CERS1: variants seen among roughly 807,000 people sequenced by gnomAD.
CERS1 encodes Embryonic growth/differentiation factor 1.
CERS1 carries 16 observed loss-of-function variants against 35.7 expected under a neutral mutation model. The ratio of observed to expected loss-of-function variants is 0.45; its 90% CI spans 0.30 to 0.68. The LOEUF (loss-of-function observed/expected upper bound fraction) is 0.68. Ranked by LOEUF, CERS1 falls within the 30% of genes least tolerant of loss-of-function variation. The pLI is 0.08. For synonymous variants in CERS1, 243 were observed against 201.6 expected, an observed-to-expected ratio of 1.21 and a Z score of -1.74; for missense variants, 454 against 453.9, an observed-to-expected ratio of 1.00 and a Z score of 0.00.
chr19:18,870,063 G>A lies in CERS1; in HGVS notation c.*514C>T. The A allele has an allele frequency of 6.3e-7, 1 of 1,585,204 alleles. No homozygotes were observed. The highest frequency in any genetic ancestry group is 8.5e-7 in the Non-Finnish European group (1 of 1,170,556). On this transcript the variant is annotated 3_prime_UTR_variant, in exon 7 of 8. Coordinates refer to ENST00000623882, the MANE Select transcript of CERS1 (RefSeq NM_021267.5). This position sits in a 1 kb window ranked among gnomAD's most constrained non-coding sequence, Gnocchi z 5.1. Reference sequence around the variant, plus strand: ...GCACGGTTGCAGGGTGACCCCTGGGGACGTCCGCCGCGAGCCAGACCTGGT... The same window carrying A: ...GCACGGTTGCAGGGTGACCCCTGGGAACGTCCGCCGCGAGCCAGACCTGGT...
At chr19:18,894,123 A>G (rs1601194036) in intron 1 of CERS1, among the ~76,000 whole-genome samples, 2 of 136,242 alleles carry the variant, frequency 1.5e-5, no homozygotes, top group African/African-American at 2.8e-5. Flanking sequence ...AAAGGGGAGG[A>G]GGGGCTGGAG....
At chr19:18,876,536 T>TGTGTGTGTGTGTGTG (rs1555703706) in intron 6 of CERS1, among the ~76,000 whole-genome samples, 16 of 143,276 alleles carry the variant, frequency 1.1e-4, no homozygotes, top group African/African-American at 4.1e-4. Context: ...TTTGATTGGG[T>TGTGTGTGTGTGTGTG]TGTGTGTGTG....
chr19:18,896,661 G>C (rs1295619330), upstream of CERS1: 2 of 152,444 alleles, frequency 1.3e-5, no homozygotes, highest in Admixed American at 1.3e-4. The surrounding 1 kb of genome is among the most constrained non-coding windows in gnomAD (Gnocchi z 5.9). Context: ...AGGAGGCGTA[G>C]GCTCAATGAA....
chr19:18,879,986 C>T (rs2056162156), intron 4 of CERS1, among the ~76,000 whole-genome samples: 4 of 151,790 alleles, frequency 2.6e-5, no homozygotes, highest in Admixed American at 2.0e-4. Context: ...CCTGGCCCAA[C>T]CTATCTCACC....
chr19:18,888,889 C>CTTTTTTTT (rs756124590), intron 2 of CERS1, among the ~76,000 whole-genome samples: 36 of 122,886 alleles, frequency 2.9e-4, no homozygotes, highest in Non-Finnish European at 4.1e-4. Context: ...TTCTTTCTTT[C>CTTTTTTTT]TTTTTTTTTT....
intron 3 of CERS1, among the ~76,000 whole-genome samples, chr19:18,880,847 A>C (rs1013631533): frequency 6.6e-6 from 1 of 152,048 alleles, no homozygotes; most frequent in Non-Finnish European, 1.5e-5. Context: ...ACAGGAAAGC[A>C]ACACCACACA....
intron 4 of CERS1, 121 bp from the exon 5 acceptor site, chr19:18,879,509 A>C: frequency 8.6e-7 from 1 of 1,167,508 alleles, no homozygotes; most frequent in African/African-American, 1.6e-5. Flanking sequence ...ACCTCTGCCC[A>C]CCTGTTTCTA....
chr19:18,887,508 G>A (rs2056389880), intron 2 of CERS1, among the ~76,000 whole-genome samples: 1 of 152,160 alleles, frequency 6.6e-6, no homozygotes, highest in African/African-American at 2.4e-5. Flanking sequence ...TGGCCAGGAG[G>A]TGGAGGCAGG....
intron 6 of CERS1, among the ~76,000 whole-genome samples, chr19:18,875,529 C>T (rs1193315947): frequency 1.3e-5 from 2 of 148,160 alleles, no homozygotes; most frequent in East Asian, 3.9e-4. Flanking sequence ...GGCGACAGAG[C>T]GAGACACTGT....
chr19:18,893,677 G>A (rs2056553789), intron 1 of CERS1, 102 bp from the exon 2 acceptor site: 9 of 1,219,734 alleles, frequency 7.4e-6, no homozygotes, highest in Admixed American at 2.2e-5. Flanking sequence ...AGGCCGGGCA[G>A]CACTGGGAAG....
intron 2 of CERS1, among the ~76,000 whole-genome samples, chr19:18,884,565 G>A (rs1284565160): frequency 6.6e-6 from 1 of 151,874 alleles, no homozygotes; most frequent in African/African-American, 2.4e-5. Flanking sequence ...ATGCCACCAA[G>A]CCCGGCTAAT....
Position 18,870,530 on chromosome 19 carries a change from G to C in CERS1, c.*47C>G. 1.9e-6 allele frequency: 1 copy of C among 516,652 alleles called. No homozygotes were observed. Among genetic ancestry groups the C allele is most frequent in the Non-Finnish European group, 3.5e-6 (1 of 285,920 alleles). 32.0% of individuals were successfully genotyped at this position (516,652 alleles called of 1,614,324 possible). A position where few individuals can be genotyped will look rare whatever the true frequency, so the allele number is the denominator to read the frequency against. ...GCGGCCAAGGACGGGGAGCGTGGCC[G>C]GGGTATTCGGGGTGGGGCCGGGTCC... On this transcript the variant is annotated 3_prime_UTR_variant, in exon 7 of 8. Transcript: ENST00000623882. This position sits in a 1 kb window ranked among gnomAD's most constrained non-coding sequence, Gnocchi z 5.1.
At position 18,893,572 on chromosome 19, in the gene CERS1, G is replaced by A. The variant is rs2056549999; in HGVS notation, c.253C>T (p.Leu85=). 7 of 1,607,098 alleles carry A rather than the reference G, an allele frequency of 4.4e-6. No homozygotes were observed. Among genetic ancestry groups the A allele is most frequent in the East Asian group, 2.2e-5 (1 of 44,680 alleles). The part of the protein sequence containing the change: ...SAATARLFRP[L]AKRCCLQPRD... ...GGCTGGAGGCAGCACCGCTTCGCCA[G>A]GGGCTATGGGGGAGAAGACAGGCGG... Residue 85 remains leucine, a synonymous_variant, in exon 2 of 8, where the codon CTG becomes TTG. Coordinates refer to ENST00000623882, the MANE Select transcript of CERS1 (RefSeq NM_021267.5).
At position 18,896,082 on chromosome 19, in the gene CERS1, T is replaced by A; in HGVS notation, c.-10A>T. The A allele has an allele frequency of 2.1e-6, 2 of 948,276 alleles. No individual in the cohort carries two copies. The highest frequency in any genetic ancestry group is 2.5e-6 in the Non-Finnish European group (2 of 799,088). 58.7% of individuals were successfully genotyped at this position (948,276 alleles called of 1,614,324 possible). On this transcript the variant is annotated 5_prime_UTR_variant, in exon 1 of 8. Coordinates refer to ENST00000623882, the MANE Select transcript of CERS1 (RefSeq NM_021267.5). The surrounding 1 kb of genome is among the most constrained non-coding windows in gnomAD (Gnocchi z 5.9). ...GCCCCGCCGCCGCCATACCGCCCGC[T>A]CGCCCGCCGTGCCCGTCGCCTGCGC...
At chr19:18,884,369 C>A in intron 2 of CERS1, 102 bp from the exon 3 acceptor site, 3 of 1,088,152 alleles carry the variant, frequency 2.8e-6, no homozygotes, top group Non-Finnish European at 3.9e-6. Flanking sequence ...CCTCCCAGTA[C>A]CCAGGTAACC....
chr19:18,870,320 C>A lies in CERS1; in HGVS notation c.*257G>T, dbSNP rs542969734. The A allele has an allele frequency of 4.5e-6, 7 of 1,544,962 alleles. No homozygotes were observed. The highest frequency in any genetic ancestry group is 1.2e-5 in the South Asian group (1 of 83,878). On this transcript the variant is annotated 3_prime_UTR_variant, in exon 7 of 8. Transcript: ENST00000623882. This position sits in a 1 kb window ranked among gnomAD's most constrained non-coding sequence, Gnocchi z 5.1. ...GCGGCGGTGGCATCTTCCTCCCAGG[C>A]GATGACCAGAGAGTGCGCAGGGTCC...
Position 18,870,218 on chromosome 19 carries a change from G to C in CERS1, c.*359C>G. 6.4e-7 allele frequency: 1 copy of C among 1,554,748 alleles called. No homozygotes were observed. The highest frequency in any genetic ancestry group is 1.2e-5 in the South Asian group (1 of 84,898). On this transcript the variant is annotated 3_prime_UTR_variant, in exon 7 of 8. Coordinates refer to ENST00000623882, the MANE Select transcript of CERS1 (RefSeq NM_021267.5). The surrounding 1 kb of genome is among the most constrained non-coding windows in gnomAD (Gnocchi z 5.1). ...GGGCGGCGGCTGGGCCTGGGGGCACGGGGGCGCGGGTCAGGGGCAGCGAGG... is the reference window on the plus strand; with the variant it reads ...GGGCGGCGGCTGGGCCTGGGGGCACCGGGGCGCGGGTCAGGGGCAGCGAGG...
At chr19:18,881,272 C>T (rs965557732) in intron 3 of CERS1, among the ~76,000 whole-genome samples, 3 of 149,722 alleles carry the variant, frequency 2.0e-5, no homozygotes, top group East Asian at 2.0e-4. Context: ...CAGGCTGGAG[C>T]GCAATGGCAC....
chr19:18,881,301 C>A (rs1157341121), intron 3 of CERS1, among the ~76,000 whole-genome samples: 2 of 151,634 alleles, frequency 1.3e-5, no homozygotes, highest in Non-Finnish European at 2.9e-5. Context: ...CTCACCGCAA[C>A]CTCCACCTCC....
Sources: allele counts gnomAD v4.1 joint callset (sites outside exome capture counted in the v4.1 genomes callset), GRCh38; gene constraint gnomAD v4.1.1; non-coding constraint Gnocchi (gnomAD v3.1); transcripts MANE v1.5; gene names NCBI Gene and HGNC (gene_info 2026-07-23, HGNC 2026-07-21).